The following PDE11A variants were observed in gnomAD, a reference collection of about 807,000 sequenced individuals.
PDE11A encodes the protein phosphodiesterase 11A, also known as dual 3',5'-cyclic-AMP and -GMP phosphodiesterase 11A.
In PDE11A, 100 loss-of-function variants were observed where a neutral mutation model predicts 100.5. The ratio of observed to expected loss-of-function variants is 1.00; its 90% confidence interval spans 0.85 to 1.18. The LOEUF (loss-of-function observed/expected upper bound fraction) is 1.18. PDE11A is among the 50% of genes most tolerant of loss of function. The pLI, the probability that PDE11A is intolerant of heterozygous loss-of-function variation, is 0.00. For missense variants in PDE11A, 1,141 were observed against 1,152.6 expected (o/e 0.99, Z 0.15); for synonymous variants, 381 against 420.8 (o/e 0.91, Z 1.16).
At chr2:178,074,924 T>C (rs561254826), upstream of PDE11A, among the ~76,000 whole-genome samples, 2 of 152,242 alleles carry the variant, frequency 1.3e-5, no homozygotes, top group South Asian at 2.1e-4. Context: ...AGGGCTGTAA[T>C]GGAGGGCTGA....
intron 2 of PDE11A, among the ~76,000 whole-genome samples, chr2:177,981,489 G>T (rs1382998827): frequency 2.0e-5 from 3 of 150,482 alleles, no homozygotes; most frequent in Non-Finnish European, 3.0e-5. Flanking sequence ...CATTCTCCCT[G>T]TATCTCTTCA....
intron 2 of PDE11A, chr2:178,104,247 G>C: frequency 6.7e-7 from 1 of 1,498,622 alleles, no homozygotes; most frequent in Non-Finnish European, 9.3e-7. Flanking sequence ...CAAATCATAT[G>C]CTTTATTCTT....
chr2:177,880,907 C>T (rs760392774), intron 4 of PDE11A, among the ~76,000 whole-genome samples: 81 of 152,142 alleles, frequency 5.3e-4, no homozygotes, highest in Admixed American at 1.6e-3. Flanking sequence ...TAAGACTTAA[C>T]ATTTGTGATG....
At chr2:177,877,548 G>T (rs75503426) in intron 4 of PDE11A, among the ~76,000 whole-genome samples, 1 of 152,014 alleles carries the variant, frequency 6.6e-6, no homozygotes, top group Non-Finnish European at 1.5e-5. Context: ...GTCTGTCTGG[G>T]CATGGGGACA....
intron 2 of PDE11A, chr2:177,998,257 C>T (rs1420495562): frequency 3.6e-6 from 3 of 830,286 alleles, no homozygotes; most frequent in Non-Finnish European, 6.4e-6. Context: ...ATAAGCTCTT[C>T]CACTTCCTTT....
chr2:177,817,080 A>G (rs1291682356), intron 8 of PDE11A, among the ~76,000 whole-genome samples, 159 bp from the exon 9 acceptor site: 2 of 152,088 alleles, frequency 1.3e-5, no homozygotes, highest in Admixed American at 6.5e-5. Flanking sequence ...CTTAATTACT[A>G]TTGTTATATA....
At chr2:177,950,931 C>G (rs1184809537) in intron 2 of PDE11A, among the ~76,000 whole-genome samples, 1 of 141,596 alleles carries the variant, frequency 7.1e-6, no homozygotes, top group African/African-American at 2.6e-5. Flanking sequence ...GACTCCGTCT[C>G]AAAAAAAAAA....
intron 2 of PDE11A, among the ~76,000 whole-genome samples, chr2:177,934,230 A>G (rs1485499498): frequency 6.6e-6 from 1 of 152,232 alleles, no homozygotes; most frequent in East Asian, 1.9e-4. Context: ...TTTGCAAACT[A>G]TGCATCAGAC....
intron 3 of PDE11A, among the ~76,000 whole-genome samples, chr2:177,902,091 A>G (rs917169528): frequency 2.0e-5 from 3 of 152,226 alleles, no homozygotes; most frequent in African/African-American, 4.8e-5. Flanking sequence ...AAGCTAAGCC[A>G]TGATATCCCC....
intron 2 of PDE11A, among the ~76,000 whole-genome samples, chr2:177,960,190 G>T (rs1281596270): frequency 1.3e-5 from 2 of 151,880 alleles, no homozygotes; most frequent in African/African-American, 4.8e-5. Flanking sequence ...TGTCACCAGA[G>T]AATGATATAA....
intron 2 of PDE11A, among the ~76,000 whole-genome samples, chr2:177,982,609 C>A (rs2085896253): frequency 6.7e-6 from 1 of 150,302 alleles, no homozygotes; most frequent in Non-Finnish European, 1.5e-5. Context: ...ATTCATATGC[C>A]AATGTGAAGG....
intron 5 of PDE11A, among the ~76,000 whole-genome samples, chr2:177,865,201 C>T (rs2084006854): frequency 6.6e-6 from 1 of 151,988 alleles, no homozygotes; most frequent in African/African-American, 2.4e-5. Flanking sequence ...CCACTTGAAC[C>T]CAATAGACAG....
intron 10 of PDE11A, among the ~76,000 whole-genome samples, chr2:177,750,872 T>C (rs2082015933): frequency 6.6e-6 from 1 of 152,234 alleles, no homozygotes; most frequent in African/African-American, 2.4e-5. Flanking sequence ...TTGGGAAATA[T>C]TAGCTAGACC....
chr2:177,934,276 A>G (rs1049934631), intron 2 of PDE11A, among the ~76,000 whole-genome samples: 4 of 152,336 alleles, frequency 2.6e-5, no homozygotes, highest in African/African-American at 9.6e-5. Flanking sequence ...AGGAACATAA[A>G]CAACTGAACA....
chr2:178,070,163 C>G (rs1485314683), intron 1 of PDE11A, among the ~76,000 whole-genome samples: 1 of 152,122 alleles, frequency 6.6e-6, no homozygotes, highest in Non-Finnish European at 1.5e-5. Flanking sequence ...TTGTTGAAAA[C>G]CACTCATTGT....
In PDE11A at chr2:177,670,381, A is replaced by AT. The variant is rs71010814; in HGVS notation, c.2488-815dup. Among the ~76,000 whole-genome samples, 1,487 of 151,366 alleles carry AT rather than the reference A, an allele frequency of 9.8e-3. 23 individuals are homozygous for AT. The highest frequency in any genetic ancestry group is 0.033 in the African/African-American group (1,376 of 41,240). Reference sequence around the variant, plus strand: ...TACTGATTATTGCCAAGCTAAACAGATTTTTTTTTTTCTTTTCCACACCTT... The same window carrying AT: ...TACTGATTATTGCCAAGCTAAACAGATTTTTTTTTTTTCTTTTCCACACCTT... On this transcript the variant is annotated intron_variant, in intron 17 of 19. Transcript: ENST00000286063.
intron 6 of PDE11A, among the ~76,000 whole-genome samples, chr2:177,837,115 G>A (rs374626178): frequency 5.9e-5 from 9 of 152,278 alleles, no homozygotes; most frequent in South Asian, 2.1e-4. Flanking sequence ...TGTGCAAACC[G>A]GTAAAAGGAA....
intron 1 of PDE11A, among the ~76,000 whole-genome samples, chr2:178,053,897 G>A (rs796313374): frequency 9.2e-5 from 14 of 152,312 alleles, no homozygotes; most frequent in African/African-American, 3.4e-4. Flanking sequence ...CCATGCTCAT[G>A]GATAGGGAGA....
At chr2:177,655,483 T>A (rs1343926644) in intron 19 of PDE11A, among the ~76,000 whole-genome samples, 1 of 152,138 alleles carries the variant, frequency 6.6e-6, no homozygotes, top group Non-Finnish European at 1.5e-5. Flanking sequence ...TATTAATGAG[T>A]CCTCACTGCT....
Sources: gnomAD v4.1 joint callset for allele counts (sites outside exome capture counted in the v4.1 genomes callset) on GRCh38, gnomAD v4.1.1 for gene constraint, MANE v1.5 for transcripts, NCBI Gene and HGNC (gene_info 2026-07-23, HGNC 2026-07-21) for gene names.